Variants in CHRM2 observed in about 807,000 individuals in gnomAD.
CHRM2 encodes muscarinic acetylcholine receptor M2.
In CHRM2, 8 loss-of-function variants were observed where a neutral mutation model predicts 25.0. The observed-to-expected ratio is 0.32, with a 90% CI of 0.19 to 0.58. CHRM2 has a LOEUF of 0.58. Among genes scored for constraint, CHRM2 ranks in the 20% least tolerant of loss-of-function variants. The pLI is 0.88. For missense variants in CHRM2, 440 were observed against 567.1 expected, an observed-to-expected ratio of 0.78 and a Z score of 2.28; for synonymous variants, 202 against 205.7, an observed-to-expected ratio of 0.98 and a Z score of 0.15.
intron 2 of CHRM2, chr7:136,903,018 A>G: frequency 2.1e-6 from 1 of 476,410 alleles, no homozygotes. Context: ...CATTATGGCC[A>G]GCAACTTTAA....
At chr7:136,958,729 T>C (rs987955036) in intron 2 of CHRM2, among the ~76,000 whole-genome samples, 2 of 152,142 alleles carry the variant, frequency 1.3e-5, no homozygotes, top group African/African-American at 4.8e-5. Flanking sequence ...AGTGCTGGGA[T>C]TACAGGTGTG....
At chr7:136,898,175 G>A (rs1797007268) in intron 2 of CHRM2, among the ~76,000 whole-genome samples, 1 of 152,074 alleles carries the variant, frequency 6.6e-6, no homozygotes, top group Non-Finnish European at 1.5e-5. Context: ...ATAGTTTTAT[G>A]TATTTCTCAT....
Position 137,016,427 on chromosome 7 carries a change from C to T in CHRM2, c.*161C>T. ...CAGTGACACACTTATCACGCCTAGGCTCCAGTTTGCAAAAATTGCACCTTA... is the reference window on the plus strand; with the variant it reads ...CAGTGACACACTTATCACGCCTAGGTTCCAGTTTGCAAAAATTGCACCTTA... On this transcript the variant is annotated 3_prime_UTR_variant, in exon 4 of 4. Transcript: ENST00000680005. 1.4e-6 allele frequency: 1 copy of T among 734,254 alleles called. No homozygotes were observed. The highest frequency in any genetic ancestry group is 2.3e-6 in the Non-Finnish European group (1 of 441,050). 45.5% of individuals were successfully genotyped at this position (734,254 alleles called of 1,614,324 possible). A position where few individuals can be genotyped will look rare whatever the true frequency, so the allele number is the denominator to read the frequency against.
intron 2 of CHRM2, among the ~76,000 whole-genome samples, chr7:136,944,715 G>A (rs568122761): frequency 5.3e-5 from 8 of 152,140 alleles, no homozygotes; most frequent in African/African-American, 9.6e-5. Flanking sequence ...TCAAATGGTA[G>A]TTCTACTTTT....
At chr7:136,925,594 T>C (rs962702170) in intron 2 of CHRM2, among the ~76,000 whole-genome samples, 5 of 152,058 alleles carry the variant, frequency 3.3e-5, no homozygotes, top group African/African-American at 1.2e-4. Context: ...TGTTTTGAGA[T>C]AGCCATTCAT....
intron 2 of CHRM2, among the ~76,000 whole-genome samples, chr7:136,882,657 T>G (rs1796310633): frequency 6.6e-6 from 1 of 152,106 alleles, no homozygotes; most frequent in Non-Finnish European, 1.5e-5. Context: ...AGGTAAAATT[T>G]TTCTTTGAAA....
At position 136,982,199 on chromosome 7, in the gene CHRM2, T is replaced by C. The variant is rs138441785; in HGVS notation, c.-124-9988T>C. 6.6e-4 allele frequency among the ~76,000 whole-genome samples: 100 copies of C among 152,362 alleles called. 2 individuals carry two copies. In the East Asian group the frequency reaches 0.015, roughly 22 times the overall value. ...CATTGATCCCTTTATCATTATGTAA[T>C]ATACTTCTTCGTCTTTTTTGATCTT... On this transcript the variant is annotated intron_variant, in intron 2 of 3. Transcript: ENST00000680005.
At chr7:136,963,073 A>G (rs1801197864) in intron 2 of CHRM2, among the ~76,000 whole-genome samples, 1 of 152,220 alleles carries the variant, frequency 6.6e-6, no homozygotes, top group Non-Finnish European at 1.5e-5. Flanking sequence ...GTGATGTTAC[A>G]TGGAAGAGTG....
intron 2 of CHRM2, among the ~76,000 whole-genome samples, chr7:136,906,191 A>G (rs1317794360): frequency 6.6e-6 from 1 of 150,788 alleles, no homozygotes; most frequent in Non-Finnish European, 1.5e-5. Context: ...TTGTATGTAT[A>G]TACGTATATA....
chr7:136,876,628 G>A (rs1005517154), intron 2 of CHRM2, among the ~76,000 whole-genome samples: 2 of 152,030 alleles, frequency 1.3e-5, no homozygotes, highest in Non-Finnish European at 2.9e-5. Flanking sequence ...TGGACAATGA[G>A]TAACAGCAAC....
intron 2 of CHRM2, among the ~76,000 whole-genome samples, chr7:136,939,249 C>T (rs976007468): frequency 6.6e-6 from 1 of 152,162 alleles, no homozygotes; most frequent in Non-Finnish European, 1.5e-5. Flanking sequence ...GAAATAATTA[C>T]TATTTTATGT....
At chr7:136,873,511 A>C (rs949025632) in intron 2 of CHRM2, among the ~76,000 whole-genome samples, 1 of 152,126 alleles carries the variant, frequency 6.6e-6, no homozygotes, top group African/African-American at 2.4e-5. Flanking sequence ...CAATTTTCTC[A>C]TTTTATCTTT....
chr7:136,892,457 A>C (rs563189406), intron 2 of CHRM2, among the ~76,000 whole-genome samples: 1 of 151,184 alleles, frequency 6.6e-6, no homozygotes, highest in Non-Finnish European at 1.5e-5. Context: ...AAGCTCAAGG[A>C]CAAGAAAAAA....
chr7:136,946,416 C>T (rs1445406363), intron 2 of CHRM2, among the ~76,000 whole-genome samples: 1 of 152,146 alleles, frequency 6.6e-6, no homozygotes, highest in East Asian at 1.9e-4. Flanking sequence ...GCTTTTCCCT[C>T]AACATTTTTA....
intron 2 of CHRM2, among the ~76,000 whole-genome samples, chr7:136,884,792 A>G (rs1796399048): frequency 1.3e-5 from 2 of 152,194 alleles, no homozygotes; most frequent in Non-Finnish European, 2.9e-5. Flanking sequence ...TAAATACTGT[A>G]TTCTCTTTAG....
At chr7:137,004,031 A>G (rs1046610038) in intron 3 of CHRM2, among the ~76,000 whole-genome samples, 1 of 152,076 alleles carries the variant, frequency 6.6e-6, no homozygotes, top group African/African-American at 2.4e-5. Context: ...TCATTCCTTT[A>G]TAAGTTACAC....
At position 137,004,568 on chromosome 7, in the gene CHRM2, G is replaced by A. The variant is rs145411375; in HGVS notation, c.-46-10252G>A. ...TCGGAAGAGAGGGTGGGCACAGCATGTGATGACTTATCTTACATATATTCA... is the reference window on the plus strand; with the variant it reads ...TCGGAAGAGAGGGTGGGCACAGCATATGATGACTTATCTTACATATATTCA... On this transcript the variant is annotated intron_variant, in intron 3 of 3. Transcript: ENST00000680005. Among the ~76,000 whole-genome samples the A allele has an allele frequency of 1.4e-4, 21 of 152,276 alleles. No homozygotes were observed. The East Asian group carries it at 3.5e-3, about 25-fold the overall frequency.
At chr7:136,970,430 C>T (rs553624683) in intron 2 of CHRM2, among the ~76,000 whole-genome samples, 1 of 152,274 alleles carries the variant, frequency 6.6e-6, no homozygotes, top group South Asian at 2.1e-4. Context: ...TAGCTTATTA[C>T]ATTTCTTCTA....
At chr7:137,008,374 A>G (rs117670439) in intron 3 of CHRM2, among the ~76,000 whole-genome samples, 2,184 of 152,210 alleles carry the variant, frequency 0.014, 33 homozygotes, top group South Asian at 0.05. Flanking sequence ...AAAGCTATGT[A>G]TCTAAACATA....
Sources: gnomAD v4.1 joint callset for allele counts (sites outside exome capture counted in the v4.1 genomes callset) on GRCh38, gnomAD v4.1.1 for gene constraint, MANE v1.5 for transcripts, NCBI Gene and HGNC (gene_info 2026-07-23, HGNC 2026-07-21) for gene names.